ERGIC1: variants seen among roughly 807,000 people sequenced by gnomAD.
ERGIC1 encodes the protein endoplasmic reticulum-Golgi intermediate compartment protein 1.
In ERGIC1, 19 loss-of-function variants were observed where a neutral mutation model predicts 38.3. That is an observed-to-expected ratio of 0.50 (90% confidence interval 0.35 to 0.73). ERGIC1 has a LOEUF of 0.73. Among genes scored for constraint, ERGIC1 ranks in the 30% least tolerant of loss-of-function variants. The pLI is 0.01. For missense variants in ERGIC1, 294 were observed against 389.2 expected, an observed-to-expected ratio of 0.76 and a Z score of 2.06; for synonymous variants, 124 against 157.6, an observed-to-expected ratio of 0.79 and a Z score of 1.60.
At chr5:172,936,622 G>C (rs893236845) in intron 9 of ERGIC1, 1 of 152,270 alleles carries the variant, frequency 6.6e-6, no homozygotes, top group Non-Finnish European at 1.5e-5. Flanking sequence ...AAGTAAGAAC[G>C]ATCATCTCTG....
intron 1 of ERGIC1, among the ~76,000 whole-genome samples, chr5:172,862,963 C>T (rs750031): frequency 0.82 from 124,214 of 152,182 alleles, 51,714 homozygotes; most frequent in East Asian, 1. Context: ...TGCCTGAAGC[C>T]GAGCCTTCTA....
intron 3 of ERGIC1, among the ~76,000 whole-genome samples, chr5:172,903,961 T>TCA (rs1209257149): frequency 4.2e-5 from 3 of 70,668 alleles, no homozygotes; most frequent in Admixed American, 1.3e-4. Context: ...GAGATGAGTC[T>TCA]CACACATACA....
intron 1 of ERGIC1, among the ~76,000 whole-genome samples, chr5:172,842,151 A>C (rs370658752): frequency 6.6e-6 from 1 of 152,190 alleles, no homozygotes; most frequent in East Asian, 1.9e-4. Context: ...GGTTCAAGCA[A>C]TTCTGCCTCA....
At chr5:172,900,505 A>G (rs1581555998) in intron 3 of ERGIC1, among the ~76,000 whole-genome samples, 1 of 152,122 alleles carries the variant, frequency 6.6e-6, no homozygotes, top group Non-Finnish European at 1.5e-5. Context: ...CAGGAGTTCG[A>G]GACCAGCCTG....
At chr5:172,853,525 G>C (rs1293939673) in intron 1 of ERGIC1, among the ~76,000 whole-genome samples, 1 of 152,028 alleles carries the variant, frequency 6.6e-6, no homozygotes, top group Admixed American at 6.5e-5. Flanking sequence ...TTTCACAGAT[G>C]AGAAACTCGA....
intron 2 of ERGIC1, among the ~76,000 whole-genome samples, chr5:172,888,974 A>G (rs994280905): frequency 6.6e-6 from 1 of 152,176 alleles, no homozygotes; most frequent in African/African-American, 2.4e-5. Flanking sequence ...CTGGAAGGAC[A>G]TGAAAGAAAT....
At chr5:172,936,674 T>C (rs574179) in intron 9 of ERGIC1, 5,288 of 152,334 alleles carry the variant, frequency 0.035, 322 homozygotes, top group African/African-American at 0.12. Context: ...CAGAGGAGAT[T>C]GTGAAAGGAG....
chr5:172,887,728 G>C (rs1315038686), intron 1 of ERGIC1, among the ~76,000 whole-genome samples: 3 of 152,208 alleles, frequency 2.0e-5, no homozygotes, highest in Admixed American at 2.0e-4. Flanking sequence ...AAAGACATCT[G>C]TCTGCTTCTG....
intron 3 of ERGIC1, among the ~76,000 whole-genome samples, chr5:172,903,296 C>T (rs929565947): frequency 6.6e-6 from 1 of 152,106 alleles, no homozygotes; most frequent in Non-Finnish European, 1.5e-5. Flanking sequence ...CCCTAAGCAC[C>T]CCTGTACCCT....
intron 1 of ERGIC1, among the ~76,000 whole-genome samples, chr5:172,864,063 G>T: frequency 6.6e-6 from 1 of 151,902 alleles, no homozygotes; most frequent in Admixed American, 6.6e-5. Flanking sequence ...TGGGCATGGT[G>T]GTGCATACTT....
At position 172,846,048 on chromosome 5, in the gene ERGIC1, G is replaced by T. The variant is rs547892426; in HGVS notation, c.20+11615G>T. Among the ~76,000 whole-genome samples the T allele has an allele frequency of 4.6e-5, 7 of 152,218 alleles. No homozygotes were observed. Among genetic ancestry groups the T allele is most frequent in the Admixed American group, 2.6e-4 (4 of 15,288 alleles). ...TGATGTTTCTTCCTAAGTGGACAGG[G>T]TTATGGTTTTGGGGAAGCATCCCCA... is the stretch of plus-strand genomic sequence containing the variant. On this transcript the variant is annotated intron_variant, in intron 1 of 9. Coordinates refer to ENST00000393784, the MANE Select transcript of ERGIC1 (RefSeq NM_001031711.3). This position sits in a 1 kb window ranked among gnomAD's most constrained non-coding sequence, Gnocchi z 4.0.
At chr5:172,895,898 G>A (rs1015211573) in intron 2 of ERGIC1, among the ~76,000 whole-genome samples, 1 of 152,134 alleles carries the variant, frequency 6.6e-6, no homozygotes, top group East Asian at 1.9e-4. Flanking sequence ...GAGTGGAGTT[G>A]AGGGCCGGAC....
chr5:172,913,776 G>T (rs1763270533), intron 4 of ERGIC1, among the ~76,000 whole-genome samples: 1 of 152,200 alleles, frequency 6.6e-6, no homozygotes, highest in Non-Finnish European at 1.5e-5. Flanking sequence ...CTGAGTCCCA[G>T]TGAGGTGACA....
At chr5:172,918,153 TAATC>T (rs891182436) in intron 5 of ERGIC1, 1 of 152,212 alleles carries the variant, frequency 6.6e-6, no homozygotes, top group Non-Finnish European at 1.5e-5. Flanking sequence ...GTGAAACCCT[TAATC>T]AATCAGTCAA....
intron 4 of ERGIC1, chr5:172,914,425 G>T (rs1763297056): frequency 3.8e-6 from 2 of 521,632 alleles, no homozygotes; most frequent in South Asian, 4.2e-5. Context: ...AGAAACTGAG[G>T]CATCCAGAGG....
chr5:172,900,567 A>G (rs555851367), intron 3 of ERGIC1, among the ~76,000 whole-genome samples: 7 of 152,274 alleles, frequency 4.6e-5, no homozygotes, highest in Admixed American at 4.6e-4. Context: ...AACATTAGTT[A>G]GCCGTGGACA....
intron 9 of ERGIC1, among the ~76,000 whole-genome samples, chr5:172,944,864 C>G (rs1032906511): frequency 6.6e-6 from 1 of 152,232 alleles, no homozygotes; most frequent in Non-Finnish European, 1.5e-5. Context: ...GGGTCTCCCC[C>G]TCCAGGCCCA....
At chr5:172,909,503 A>G (rs1260127584) in intron 3 of ERGIC1, among the ~76,000 whole-genome samples, 164 bp from the exon 4 acceptor site, 1 of 152,094 alleles carries the variant, frequency 6.6e-6, no homozygotes, top group Non-Finnish European at 1.5e-5. Context: ...TGAAGAGTGC[A>G]GCCTAGACCC....
At chr5:172,907,569 G>C (rs1404402245) in intron 3 of ERGIC1, among the ~76,000 whole-genome samples, 3 of 151,140 alleles carry the variant, frequency 2.0e-5, no homozygotes, top group African/African-American at 7.3e-5. Context: ...AAAAAAAAAA[G>C]TATAAAGGCC....
Sources: allele counts gnomAD v4.1 joint callset (sites outside exome capture counted in the v4.1 genomes callset), GRCh38; gene constraint gnomAD v4.1.1; non-coding constraint Gnocchi (gnomAD v3.1); transcripts MANE v1.5; gene names NCBI Gene and HGNC (gene_info 2026-07-23, HGNC 2026-07-21).